Variants in OTOGL observed in about 807,000 individuals in gnomAD.
OTOGL encodes the protein otogelin-like protein.
OTOGL carries 285 observed loss-of-function variants against 318.5 expected under a neutral mutation model. The ratio of observed to expected loss-of-function variants is 0.89; its 90% CI spans 0.81 to 0.99. The LOEUF is 0.99. Ranked by LOEUF, OTOGL falls within the 50% of genes least tolerant of loss-of-function variation. The pLI, the probability that OTOGL is intolerant of heterozygous loss-of-function variation, is 0.00. For missense variants in OTOGL, 2,899 were observed against 2,845.6 expected (o/e 1.02, Z -0.43); for synonymous variants, 987 against 936.5 (o/e 1.05, Z -0.99).
At chr12:80,338,322 G>A (rs1269669096) in intron 42 of OTOGL, among the ~76,000 whole-genome samples, 2 of 151,986 alleles carry the variant, frequency 1.3e-5, no homozygotes, top group Non-Finnish European at 2.9e-5. Flanking sequence ...TAAAGAATAA[G>A]TAGAAAGAAG....
chr12:80,299,989 G>T (rs1457956188), intron 27 of OTOGL, among the ~76,000 whole-genome samples: 1 of 152,130 alleles, frequency 6.6e-6, no homozygotes, highest in Non-Finnish European at 1.5e-5. Flanking sequence ...ATGTGCTTTT[G>T]TATCAGGATA....
At chr12:80,343,624 G>T (rs535968071) in intron 44 of OTOGL, 1 of 145,272 alleles carries the variant, frequency 6.9e-6, no homozygotes, top group Non-Finnish European at 1.5e-5. Context: ...ACCAAAGGCC[G>T]GTCCTCTGTC....
At chr12:80,279,672 T>A (rs1884073579) in intron 26 of OTOGL, among the ~76,000 whole-genome samples, 2 of 151,874 alleles carry the variant, frequency 1.3e-5, no homozygotes, top group African/African-American at 2.4e-5. Context: ...TACCACATTT[T>A]CTTTATCCTT....
At chr12:80,274,220 AAC>A (rs1883625859) in intron 24 of OTOGL, among the ~76,000 whole-genome samples, 1 of 152,100 alleles carries the variant, frequency 6.6e-6, no homozygotes, top group Non-Finnish European at 1.5e-5. Context: ...GTCCTTTTGC[AAC>A]AGTTAGCCAA....
chr12:80,238,593 A>G (rs1285427588), intron 9 of OTOGL, among the ~76,000 whole-genome samples: 3 of 152,222 alleles, frequency 2.0e-5, no homozygotes, highest in Admixed American at 2.0e-4. Flanking sequence ...CTCACCTTCA[A>G]TCCTTCCCCA....
rs537129212 is a variant in OTOGL, at chr12:80,212,397, C to A, written c.168+400C>A. ...TGTAAATAATATGAGTTAAATACTG[C>A]AAAAGGGCATCAGATATGTCCTAAT... On this transcript the variant is annotated intron_variant, in intron 4 of 58. Transcript: ENST00000547103. 7.9e-5 allele frequency among the ~76,000 whole-genome samples: 12 copies of A among 152,194 alleles called. No individual in the cohort carries two copies. The South Asian group carries it at 2.3e-3, about 29-fold the overall frequency.
At chr12:80,249,412 G>T (rs1398430734) in intron 11 of OTOGL, among the ~76,000 whole-genome samples, 12 of 151,354 alleles carry the variant, frequency 7.9e-5, no homozygotes, top group East Asian at 1.9e-4. Context: ...AGGTCTGTTG[G>T]AATACCCTGC....
chr12:80,333,683 A>T (rs1044653167), intron 38 of OTOGL, among the ~76,000 whole-genome samples: 6 of 152,146 alleles, frequency 3.9e-5, no homozygotes, highest in African/African-American at 1.2e-4. Context: ...AAAATAAATG[A>T]AGTTATATAA....
chr12:80,338,154 A>T (rs1446690324), intron 42 of OTOGL, among the ~76,000 whole-genome samples: 1 of 152,068 alleles, frequency 6.6e-6, no homozygotes, highest in African/African-American at 2.4e-5. Flanking sequence ...TGATTTGCAT[A>T]ATGTAATTAC....
At chr12:80,335,857 G>T (rs1305240089) in intron 38 of OTOGL, 106 bp from the exon 39 acceptor site, 2 of 1,015,848 alleles carry the variant, frequency 2.0e-6, no homozygotes, top group Non-Finnish European at 2.6e-6. Context: ...AAAAGTTTTT[G>T]TATTCAATAA....
intron 1 of OTOGL, among the ~76,000 whole-genome samples, chr12:80,150,071 C>T (rs1240658669): frequency 6.6e-6 from 1 of 152,164 alleles, no homozygotes; most frequent in Non-Finnish European, 1.5e-5. Flanking sequence ...GCCATCTTGG[C>T]TTCTCGCTTT....
chr12:80,313,706 A>G, intron 31 of OTOGL, 74 bp downstream of exon 31: 2 of 1,287,116 alleles, frequency 1.6e-6, no homozygotes, highest in East Asian at 2.6e-5. Flanking sequence ...GATTTAGCTT[A>G]GAAATAATGC....
At chr12:80,280,006 G>T (rs919731876) in intron 26 of OTOGL, among the ~76,000 whole-genome samples, 1 of 151,752 alleles carries the variant, frequency 6.6e-6, no homozygotes, top group Non-Finnish European at 1.5e-5. Flanking sequence ...ACTGCTGTGA[G>T]ATGATATCTT....
At chr12:80,219,792 T>A (rs747392228) in intron 5 of OTOGL, 22 bp from the exon 6 acceptor site, 21 of 1,169,046 alleles carry the variant, frequency 1.8e-5, no homozygotes, top group Non-Finnish European at 2.5e-5. Context: ...GAAGATAACT[T>A]TTTTTTTTTT....
intron 38 of OTOGL, among the ~76,000 whole-genome samples, chr12:80,335,738 C>G (rs544371377): frequency 1.2e-4 from 19 of 152,126 alleles, no homozygotes; most frequent in Admixed American, 5.9e-4. Context: ...TATGGGCAAT[C>G]TAATGTCCAA....
chr12:80,179,186 C>T (rs1874743763), intron 1 of OTOGL, among the ~76,000 whole-genome samples: 1 of 152,154 alleles, frequency 6.6e-6, no homozygotes, highest in African/African-American at 2.4e-5. Context: ...GGAAGGAATA[C>T]TCGAGCTTTC....
chr12:80,357,148 T>C (rs1889958139), intron 49 of OTOGL, among the ~76,000 whole-genome samples: 1 of 152,192 alleles, frequency 6.6e-6, no homozygotes, highest in Non-Finnish European at 1.5e-5. Context: ...ATGACCAAGA[T>C]ATTTAAATCA....
intron 1 of OTOGL, among the ~76,000 whole-genome samples, chr12:80,208,938 G>T (rs756183670): frequency 3.9e-5 from 6 of 152,004 alleles, no homozygotes; most frequent in Non-Finnish European, 1.5e-5. Flanking sequence ...AATTATTCAA[G>T]AACATGTAGA....
intron 13 of OTOGL, 30 bp from the exon 14 acceptor site, chr12:80,253,436 A>G: frequency 6.4e-7 from 1 of 1,551,170 alleles, no homozygotes; most frequent in South Asian, 1.1e-5. Flanking sequence ...ATTTCTTTTG[A>G]AATTTTGATG....
Sources: gnomAD v4.1 joint callset for allele counts (sites outside exome capture counted in the v4.1 genomes callset) on GRCh38, gnomAD v4.1.1 for gene constraint, MANE v1.5 for transcripts, NCBI Gene and HGNC (gene_info 2026-07-23, HGNC 2026-07-21) for gene names.